Variants in DNMT3A observed in about 807,000 individuals in gnomAD.
DNMT3A encodes the protein DNA (cytosine-5)-methyltransferase 3A.
DNMT3A carries 267 observed loss-of-function variants against 117.6 expected under a neutral mutation model. The ratio of observed to expected loss-of-function variants is 2.27; its 90% CI spans 2.05 to 2.51. DNMT3A has a LOEUF of 2.51. DNMT3A is among the 30% of genes most tolerant of loss of function. The probability of loss-of-function intolerance (pLI) is 0.00; values close to 1 mark genes in which losing one functional copy is unlikely to be tolerated. For synonymous variants in DNMT3A, 432 were observed against 474.8 expected (o/e 0.91, Z 1.17); for missense variants, 1,029 against 1,260.2 (o/e 0.82, Z 2.78).
At chr2:25,280,023 A>G (rs79333016) in intron 4 of DNMT3A, among the ~76,000 whole-genome samples, 2,410 of 152,164 alleles carry the variant, frequency 0.016, 31 homozygotes, top group Non-Finnish European at 0.029. Flanking sequence ...AAGGAGACTT[A>G]AAGAGTTTTT....
At position 25,236,979 on chromosome 2, in the gene DNMT3A, T is replaced by C; in HGVS notation, c.2435A>G (p.Lys812Arg). 6.2e-7 allele frequency: 1 copy of C among 1,613,722 alleles called. No homozygotes were observed. Among genetic ancestry groups the C allele is most frequent in the Non-Finnish European group, 8.5e-7 (1 of 1,179,914 alleles). Residue 812 changes from lysine to arginine, a missense_variant, in exon 21 of 23, where the codon AAG (lysine) becomes AGG (arginine). By Grantham distance (26) the Lys-to-Arg change is conservative. Transcript: ENST00000321117. The surrounding 1 kb of genome is among the most constrained non-coding windows in gnomAD (Gnocchi z 4.5). ...NRPLASTVNDKLELQECLEHG... is the reference protein window; with the variant it reads ...NRPLASTVNDRLELQECLEHG... ...CTCCAGACACTCCTGCAGCTCCAGC[T>C]TATCATTCACAGTGGATGCCAACGG...
intron 6 of DNMT3A, among the ~76,000 whole-genome samples, chr2:25,266,776 A>C (rs1391464461): frequency 1.3e-5 from 2 of 152,264 alleles, no homozygotes; most frequent in African/African-American, 4.8e-5. Context: ...CCATTTGACT[A>C]GCAAAATATT....
intron 3 of DNMT3A, among the ~76,000 whole-genome samples, chr2:25,290,613 C>A (rs1438567286): frequency 6.6e-6 from 1 of 152,188 alleles, no homozygotes; most frequent in Non-Finnish European, 1.5e-5. Context: ...TGAGCCACCA[C>A]GCCCGGCCAG....
At position 25,305,985 on chromosome 2, in the gene DNMT3A, T is replaced by C. The variant is rs1161554601; in HGVS notation, c.73-5742A>G. Among the ~76,000 whole-genome samples the C allele has an allele frequency of 1.3e-5, 2 of 152,216 alleles. No individual in the cohort carries two copies. The highest frequency in any genetic ancestry group is 4.8e-5 in the African/African-American group (2 of 41,460). The stretch of plus-strand genomic sequence containing the variant: ...GATGAACTTGCCGGATCTAGCCAGC[T>C]ACTTGCCCGGGCCCCCTGGGACAAG... On this transcript the variant is annotated intron_variant, in intron 2 of 22. Transcript: ENST00000321117. This position sits in a 1 kb window ranked among gnomAD's most constrained non-coding sequence, Gnocchi z 4.1.
intron 6 of DNMT3A, among the ~76,000 whole-genome samples, chr2:25,267,748 T>C (rs915828348): frequency 5.3e-5 from 8 of 152,206 alleles, no homozygotes; most frequent in African/African-American, 1.9e-4. Context: ...GAGATAAGAA[T>C]TGTTCATTCA....
chr2:25,322,657 C>A (rs2034640780), intron 1 of DNMT3A, among the ~76,000 whole-genome samples: 1 of 151,688 alleles, frequency 6.6e-6, no homozygotes, highest in Non-Finnish European at 1.5e-5. Flanking sequence ...CCACTGCCGC[C>A]CCCACTTCCT....
intron 6 of DNMT3A, among the ~76,000 whole-genome samples, chr2:25,261,965 T>C (rs1238137747): frequency 1.3e-5 from 2 of 152,042 alleles, no homozygotes; most frequent in Non-Finnish European, 2.9e-5. Context: ...GGTGGGCAGA[T>C]CATGAGATCA....
At chr2:25,269,379 G>C (rs761994001) in intron 6 of DNMT3A, among the ~76,000 whole-genome samples, 11 of 152,286 alleles carry the variant, frequency 7.2e-5, no homozygotes, top group Non-Finnish European at 1.0e-4. Flanking sequence ...GAAGGGAAGA[G>C]GTCATTGTGG....
chr2:25,244,265 AG>A lies in DNMT3A; in HGVS notation c.1740del (p.Trp581GlyfsTer70), dbSNP rs1674448224. 3.7e-6 allele frequency: 6 copies of A among 1,613,656 alleles called. No homozygotes were observed. Among genetic ancestry groups the A allele is most frequent in the Admixed American group, 3.3e-5 (2 of 59,988 alleles). On this transcript the variant is annotated frameshift_variant, in exon 15 of 23. Coordinates refer to ENST00000321117, the MANE Select transcript of DNMT3A (RefSeq NM_022552.5). LOFTEE classifies it high-confidence loss of function. The part of the protein sequence containing the change: ...GAAQAAIKED[P>X]WNCYMCGHKG... ...TTGTGCCCGCACATGTAGCAGTTCC[AG>A]GGGTCTTCCTTAATGGCTGCCTGGG...
In DNMT3A at chr2:25,298,848, C is replaced by T. The variant is rs905197074; in HGVS notation, c.177+1291G>A. ...AAAATGACTTCACTCCGCCCCCCTG[C>T]CCCCCGCCTCAAATCTTCAGGCAGA... On this transcript the variant is annotated intron_variant, in intron 3 of 22. Transcript: ENST00000321117. This position sits in a 1 kb window ranked among gnomAD's most constrained non-coding sequence, Gnocchi z 4.3. 4.0e-5 allele frequency among the ~76,000 whole-genome samples: 6 copies of T among 150,200 alleles called. No individual in the cohort carries two copies. The highest frequency in any genetic ancestry group is 6.6e-5 in the Admixed American group (1 of 15,248).
chr2:25,326,025 G>A (rs2034771889), intron 1 of DNMT3A, among the ~76,000 whole-genome samples: 1 of 152,048 alleles, frequency 6.6e-6, no homozygotes, highest in Non-Finnish European at 1.5e-5. Context: ...AAGCCAGGTA[G>A]CAAGTGTAAA....
At chr2:25,267,456 T>C (rs2030462053) in intron 6 of DNMT3A, among the ~76,000 whole-genome samples, 3 of 152,116 alleles carry the variant, frequency 2.0e-5, no homozygotes, top group Admixed American at 6.6e-5. Flanking sequence ...ATGCCTGTGG[T>C]CCCAGCTACT....
chr2:25,255,545 C>A (rs1476997644), intron 6 of DNMT3A, among the ~76,000 whole-genome samples: 1 of 152,166 alleles, frequency 6.6e-6, no homozygotes, highest in Admixed American at 6.5e-5. Flanking sequence ...GAGCACAGTT[C>A]CTGTTTGGTG....
In DNMT3A at chr2:25,247,205, G is replaced by T; in HGVS notation, c.1015-47C>A. ...TGTTTGCCGAGGCTTACACTTGCAAGCACCCACCCCATGCCTTGCAACTGG... is the reference window on the plus strand; with the variant it reads ...TGTTTGCCGAGGCTTACACTTGCAATCACCCACCCCATGCCTTGCAACTGG... On this transcript the variant is annotated intron_variant, in intron 8 of 22. Coordinates refer to ENST00000321117, the MANE Select transcript of DNMT3A (RefSeq NM_022552.5). The surrounding 1 kb of genome is among the most constrained non-coding windows in gnomAD (Gnocchi z 5.6). 1 of 1,587,676 alleles carries T rather than the reference G, an allele frequency of 6.3e-7. No individual in the cohort carries two copies. Among genetic ancestry groups the T allele is most frequent in the Non-Finnish European group, 8.6e-7 (1 of 1,161,508 alleles).
chr2:25,312,331 C>T (rs776853573), intron 2 of DNMT3A, among the ~76,000 whole-genome samples: 1 of 152,214 alleles, frequency 6.6e-6, no homozygotes, highest in Non-Finnish European at 1.5e-5. Context: ...ACTATCAGTT[C>T]TTTTCCCATG....
chr2:25,279,687 T>C (rs575704030), intron 4 of DNMT3A, among the ~76,000 whole-genome samples: 1 of 151,926 alleles, frequency 6.6e-6, no homozygotes, highest in Non-Finnish European at 1.5e-5. Flanking sequence ...AGTTTGTTTT[T>C]TTTTTTTGTA....
chr2:25,320,454 T>C (rs766127982), intron 1 of DNMT3A, among the ~76,000 whole-genome samples: 3 of 152,202 alleles, frequency 2.0e-5, no homozygotes, highest in African/African-American at 4.8e-5. Context: ...TATGCATGTA[T>C]TGAAACATCA....
rs575753836 is a variant in DNMT3A, at chr2:25,311,353, G to C, written c.72+2560C>G. Among the ~76,000 whole-genome samples, 1 of 152,338 alleles carries C rather than the reference G, an allele frequency of 6.6e-6. No homozygotes were observed. Among genetic ancestry groups the C allele is most frequent in the South Asian group, 2.1e-4 (1 of 4,828 alleles). ...CCCTGCCGCAGGCCTGGCTTTCATG[G>C]GCTGCTGTGGTGGCTGTCAGTGTCT... is the stretch of plus-strand genomic sequence containing the variant. On this transcript the variant is annotated intron_variant, in intron 2 of 22. Coordinates refer to ENST00000321117, the MANE Select transcript of DNMT3A (RefSeq NM_022552.5). The surrounding 1 kb of genome is among the most constrained non-coding windows in gnomAD (Gnocchi z 5.2).
chr2:25,250,160 C>T (rs1039440168), intron 6 of DNMT3A, among the ~76,000 whole-genome samples: 1 of 152,184 alleles, frequency 6.6e-6, no homozygotes. Context: ...AGGACTCTCC[C>T]AAAGCCTGTC....
Sources: allele counts gnomAD v4.1 joint callset (sites outside exome capture counted in the v4.1 genomes callset), GRCh38; gene constraint gnomAD v4.1.1; non-coding constraint Gnocchi (gnomAD v3.1); transcripts MANE v1.5; gene names NCBI Gene and HGNC (gene_info 2026-07-23, HGNC 2026-07-21).